The following UBTD1 variants were observed in gnomAD, a reference collection of about 807,000 sequenced individuals.
The protein encoded by UBTD1 is ubiquitin domain containing 1.
Under a neutral mutation model 21.7 loss-of-function variants are expected in UBTD1, and 19 were observed. The observed-to-expected ratio is 0.87, with a 90% confidence interval of 0.61 to 1.28. The LOEUF is 1.28. Ranked by LOEUF, UBTD1 falls within the 50% of genes most tolerant of loss-of-function variation. The pLI, the probability that UBTD1 is intolerant of heterozygous loss-of-function variation, is 0.00. For missense variants in UBTD1, 282 were observed against 315.1 expected, an observed-to-expected ratio of 0.89 and a Z score of 0.80; for synonymous variants, 116 against 135.1, an observed-to-expected ratio of 0.86 and a Z score of 0.98.
In UBTD1 at chr10:97,557,630, C is replaced by T. The variant is rs919710576; in HGVS notation, c.71-10284C>T. Among the ~76,000 whole-genome samples, 16 of 152,166 alleles carry T rather than the reference C, an allele frequency of 1.1e-4. 1 individual carries two copies. Among genetic ancestry groups the T allele is most frequent in the African/African-American group, 3.6e-4 (15 of 41,506 alleles). Reference sequence around the variant, plus strand: ...CTATGCTGCTTACTATCAATAGTGGCACAAGCATCAAATTTTAAGGTTACA... The same window carrying T: ...CTATGCTGCTTACTATCAATAGTGGTACAAGCATCAAATTTTAAGGTTACA... On this transcript the variant is annotated intron_variant, in intron 1 of 2. Transcript: ENST00000370664.
intron 1 of UBTD1, among the ~76,000 whole-genome samples, chr10:97,535,085 G>A (rs1229587446): frequency 6.6e-6 from 1 of 152,090 alleles, no homozygotes; most frequent in South Asian, 2.1e-4. Context: ...GGGGCTTCTG[G>A]GCTTTTCTGC....
intron 1 of UBTD1, among the ~76,000 whole-genome samples, chr10:97,505,300 A>G (rs1212729145): frequency 2.0e-5 from 3 of 152,224 alleles, no homozygotes; most frequent in African/African-American, 4.8e-5. Flanking sequence ...TCACAGAAAC[A>G]TGGTGCAACC....
chr10:97,508,528 GT>G (rs1237949580), intron 1 of UBTD1, among the ~76,000 whole-genome samples: 1 of 152,210 alleles, frequency 6.6e-6, no homozygotes, highest in Non-Finnish European at 1.5e-5. Flanking sequence ...GCCTGAGGAT[GT>G]TGATTCATTC....
At chr10:97,521,521 AC>A (rs1471662934) in intron 1 of UBTD1, among the ~76,000 whole-genome samples, 1 of 152,206 alleles carries the variant, frequency 6.6e-6, no homozygotes, top group Non-Finnish European at 1.5e-5. Flanking sequence ...AGAGCCTTCC[AC>A]GACCTCTCTG....
chr10:97,564,107 G>T (rs1019246377), intron 1 of UBTD1, among the ~76,000 whole-genome samples: 30 of 152,032 alleles, frequency 2.0e-4, no homozygotes, highest in Non-Finnish European at 4.0e-4. Context: ...GAGTTTGAGG[G>T]GTCAGATTCT....
intron 1 of UBTD1, among the ~76,000 whole-genome samples, chr10:97,514,461 C>T (rs934067175): frequency 6.6e-6 from 1 of 152,186 alleles, no homozygotes; most frequent in Non-Finnish European, 1.5e-5. Context: ...GCCGGTTTTG[C>T]CACACTGCAA....
In UBTD1 at chr10:97,551,781, G is replaced by A. The variant is rs535706804; in HGVS notation, c.71-16133G>A. Among the ~76,000 whole-genome samples the A allele has an allele frequency of 7.9e-5, 12 of 152,176 alleles. No homozygotes were observed. The South Asian group carries it at 1.4e-3, about 18-fold the overall frequency. ...TCTTTCCTTATTAACAACTTTTATG[G>A]TATTATTCTTATTATTAAAGTAATA... On this transcript the variant is annotated intron_variant, in intron 1 of 2. Coordinates refer to ENST00000370664, the MANE Select transcript of UBTD1 (RefSeq NM_024954.5).
At chr10:97,547,745 A>C (rs2040618012) in intron 1 of UBTD1, among the ~76,000 whole-genome samples, 1 of 151,968 alleles carries the variant, frequency 6.6e-6, no homozygotes, top group Non-Finnish European at 1.5e-5. Flanking sequence ...TTGTGTTTTT[A>C]GTGGAGATGG....
At chr10:97,502,919 AT>A (rs1411573197) in intron 1 of UBTD1, among the ~76,000 whole-genome samples, 102 of 121,572 alleles carry the variant, frequency 8.4e-4, no homozygotes, top group East Asian at 2.5e-3. Flanking sequence ...GTATATATAT[AT>A]TTTTTTTTTT....
chr10:97,523,253 A>T (rs1020589414), intron 1 of UBTD1, among the ~76,000 whole-genome samples: 2 of 152,134 alleles, frequency 1.3e-5, no homozygotes, highest in Non-Finnish European at 2.9e-5. Flanking sequence ...CAGTGTCTTC[A>T]CCCTGAAGGT....
At position 97,498,958 on chromosome 10, in the gene UBTD1, G is replaced by C. The variant is rs1182235001; in HGVS notation, c.-246G>C. ...CCTCCAGCGGAGCTGGTCTCCGGCC[G>C]GGCACCGTCGCGGGCCCCCCTGGCC... On this transcript the variant is annotated 5_prime_UTR_variant, in exon 1 of 3. Transcript: ENST00000370664. The C allele has an allele frequency of 4.1e-5, 18 of 441,642 alleles. No homozygotes were observed. The highest frequency in any genetic ancestry group is 9.5e-5 in the South Asian group (2 of 21,132). 27.4% of individuals were successfully genotyped at this position (441,642 alleles called of 1,614,324 possible).
chr10:97,520,305 G>C (rs1200432108), intron 1 of UBTD1, among the ~76,000 whole-genome samples: 1 of 152,194 alleles, frequency 6.6e-6, no homozygotes, highest in Non-Finnish European at 1.5e-5. Context: ...TTGTCGAAAT[G>C]AAAGTGTTAT....
chr10:97,511,223 C>T (rs2040422120), intron 1 of UBTD1, among the ~76,000 whole-genome samples: 1 of 152,164 alleles, frequency 6.6e-6, no homozygotes, highest in African/African-American at 2.4e-5. Context: ...GCAGTAGGCA[C>T]TGTAGTAGGT....
At chr10:97,526,179 C>A (rs993843064) in intron 1 of UBTD1, among the ~76,000 whole-genome samples, 3 of 152,142 alleles carry the variant, frequency 2.0e-5, no homozygotes, top group African/African-American at 7.2e-5. Context: ...AGGGCTTCAT[C>A]CCTAAGGGTC....
chr10:97,507,965 G>A (rs1338747938), intron 1 of UBTD1, among the ~76,000 whole-genome samples: 1 of 152,140 alleles, frequency 6.6e-6, no homozygotes, highest in Non-Finnish European at 1.5e-5. Flanking sequence ...TAACCAAGTA[G>A]CCTGAATCTT....
intron 1 of UBTD1, among the ~76,000 whole-genome samples, chr10:97,523,417 G>C (rs1410132834): frequency 6.6e-6 from 1 of 152,154 alleles, no homozygotes; most frequent in East Asian, 1.9e-4. Flanking sequence ...CCATTTTACA[G>C]ATTGGAGAAC....
At chr10:97,565,941 T>G (rs952366633) in intron 1 of UBTD1, among the ~76,000 whole-genome samples, 1 of 152,164 alleles carries the variant, frequency 6.6e-6, no homozygotes, top group Non-Finnish European at 1.5e-5. Flanking sequence ...CTCGAATTCC[T>G]GGGCTCAAGT....
intron 1 of UBTD1, among the ~76,000 whole-genome samples, chr10:97,556,477 A>G (rs992745149): frequency 2.6e-5 from 4 of 152,228 alleles, no homozygotes; most frequent in South Asian, 2.1e-4. Context: ...AATAATTTCT[A>G]AAACAGCTTG....
intron 1 of UBTD1, among the ~76,000 whole-genome samples, chr10:97,549,643 A>G (rs1237977544): frequency 1.3e-5 from 2 of 152,120 alleles, no homozygotes; most frequent in Non-Finnish European, 2.9e-5. Context: ...CCTGGGACCC[A>G]CTGTACCTCT....
Sources: allele counts gnomAD v4.1 joint callset (sites outside exome capture counted in the v4.1 genomes callset), GRCh38; gene constraint gnomAD v4.1.1; transcripts MANE v1.5; gene names NCBI Gene and HGNC (gene_info 2026-07-23, HGNC 2026-07-21).